COLEC10: variants seen among roughly 807,000 people sequenced by gnomAD.
The protein encoded by COLEC10 is collectin subfamily member 10, also known as collectin-10.
In COLEC10, 22 loss-of-function variants were observed where a neutral mutation model predicts 28.4. That is an observed-to-expected ratio of 0.78 (90% confidence interval 0.55 to 1.11). The LOEUF (loss-of-function observed/expected upper bound fraction) is 1.11, where lower values mean the gene tolerates loss of function less well. COLEC10 is among the 50% of genes least tolerant of loss of function. The probability of loss-of-function intolerance (pLI) is 0.00; values close to 1 mark genes in which losing one functional copy is unlikely to be tolerated. For missense variants in COLEC10, 361 were observed against 344.1 expected (o/e 1.05, Z -0.39); for synonymous variants, 125 against 116.1 (o/e 1.08, Z -0.49).
At chr8:119,026,937 G>T (rs528170203) in intron 2 of COLEC10, among the ~76,000 whole-genome samples, 2 of 152,306 alleles carry the variant, frequency 1.3e-5, no homozygotes, top group Admixed American at 6.5e-5. Context: ...TAATGAGGCT[G>T]ATTGCTGGGG....
chr8:119,075,516 G>C (rs1319398775), intron 1 of COLEC10, among the ~76,000 whole-genome samples: 1 of 152,118 alleles, frequency 6.6e-6, no homozygotes, highest in Non-Finnish European at 1.5e-5. Flanking sequence ...TATTGTTCTT[G>C]ATTCAACAGT....
intron 2 of COLEC10, among the ~76,000 whole-genome samples, chr8:119,036,066 A>C (rs1872422): frequency 0.6 from 91,115 of 151,866 alleles, 28,010 homozygotes; most frequent in African/African-American, 0.74. Flanking sequence ...TTTATATTTA[A>C]TAAAATTAAT....
chr8:119,045,140 A>G (rs866551133), intron 2 of COLEC10, among the ~76,000 whole-genome samples: 6 of 152,288 alleles, frequency 3.9e-5, no homozygotes, highest in African/African-American at 1.4e-4. Flanking sequence ...TTCAGAAGGG[A>G]TGAGAAATAA....
intron 1 of COLEC10, among the ~76,000 whole-genome samples, chr8:119,008,645 G>A (rs986878293): frequency 1.3e-5 from 2 of 150,384 alleles, no homozygotes; most frequent in Admixed American, 1.3e-4. Context: ...GGTCCCTCAT[G>A]GAATACATTA....
intron 2 of COLEC10, among the ~76,000 whole-genome samples, chr8:119,058,163 TTGAC>T (rs1814794961): frequency 6.6e-6 from 1 of 152,060 alleles, no homozygotes; most frequent in Non-Finnish European, 1.5e-5. Flanking sequence ...ATTTGTCTAC[TTGAC>T]TATTTCCAGT....
chr8:119,040,141 A>G (rs1814467564), intron 2 of COLEC10, among the ~76,000 whole-genome samples: 1 of 152,202 alleles, frequency 6.6e-6, no homozygotes, highest in Non-Finnish European at 1.5e-5. Context: ...AGATAATATT[A>G]AATTATTAAA....
intron 2 of COLEC10, among the ~76,000 whole-genome samples, chr8:119,054,156 G>A (rs1234713286): frequency 6.6e-6 from 1 of 152,056 alleles, no homozygotes; most frequent in Non-Finnish European, 1.5e-5. Context: ...GGACAAAGGA[G>A]GGATTCATGT....
At chr8:119,012,083 G>A (rs1444609516) in intron 2 of COLEC10, among the ~76,000 whole-genome samples, 5 of 150,780 alleles carry the variant, frequency 3.3e-5, no homozygotes, top group East Asian at 1.9e-4. Flanking sequence ...CAGTAAGTAC[G>A]AAGTTAGCAG....
intron 3 of COLEC10, among the ~76,000 whole-genome samples, chr8:119,097,647 A>G (rs970481537): frequency 6.6e-6 from 1 of 152,164 alleles, no homozygotes; most frequent in East Asian, 1.9e-4. Flanking sequence ...GATAAAATGC[A>G]TCATGGATCT....
At chr8:119,008,345 G>A (rs538831280) in intron 1 of COLEC10, among the ~76,000 whole-genome samples, 1 of 151,020 alleles carries the variant, frequency 6.6e-6, no homozygotes, top group South Asian at 2.1e-4. Flanking sequence ...TAGATTCCCA[G>A]TTTCCATAAT....
At chr8:118,990,834 G>A (rs1429905329), upstream of COLEC10, among the ~76,000 whole-genome samples, 4 of 151,912 alleles carry the variant, frequency 2.6e-5, no homozygotes, top group East Asian at 1.9e-4. Flanking sequence ...AGCAAACTGA[G>A]AGTCCCAGAG....
At chr8:118,970,803 T>C in the COLEC10 span, among the ~76,000 whole-genome samples, 1 of 151,982 alleles carries the variant, frequency 6.6e-6, no homozygotes, top group Non-Finnish European at 1.5e-5. Flanking sequence ...ATTTTATAGA[T>C]AAGGAACATG....
At chr8:119,043,619 A>G (rs1439949767) in intron 2 of COLEC10, among the ~76,000 whole-genome samples, 2 of 152,244 alleles carry the variant, frequency 1.3e-5, no homozygotes, top group South Asian at 2.1e-4. Context: ...TAAAGTTAAC[A>G]TCACCAACAG....
At chr8:119,040,732 C>T (rs1422922631) in intron 2 of COLEC10, among the ~76,000 whole-genome samples, 3 of 152,140 alleles carry the variant, frequency 2.0e-5, no homozygotes, top group Non-Finnish European at 2.9e-5. Flanking sequence ...AATAAAGGAA[C>T]CAACAAGAGA....
At position 119,000,739 on chromosome 8, in the gene COLEC10, C is replaced by T. The variant is rs16891841; in HGVS notation, n.122+5166C>T. 8.6e-3 allele frequency among the ~76,000 whole-genome samples: 1,304 copies of T among 152,010 alleles called. 17 individuals carry two copies. The highest frequency in any genetic ancestry group is 0.028 in the African/African-American group (1,181 of 41,472). On this transcript the variant is annotated intron_variant and non_coding_transcript_variant, in intron 1 of 6. Transcript: ENST00000521788. The stretch of plus-strand genomic sequence containing the variant: ...AATAATGTGATATTTTAAAAATGGG[C>T]CAGTTATTAGGGAGAACAAGTTTCA...
intron 2 of COLEC10, among the ~76,000 whole-genome samples, chr8:119,047,371 A>G (rs1322890157): frequency 1.3e-5 from 2 of 152,196 alleles, no homozygotes; most frequent in African/African-American, 2.4e-5. Flanking sequence ...AAGTGTGGCC[A>G]TGGCCAGCTG....
chr8:119,102,759 C>T, intron 4 of COLEC10: 1 of 203,868 alleles, frequency 4.9e-6, no homozygotes, highest in East Asian at 1.3e-4. Context: ...TACTGGCCAT[C>T]AGAGTGCAGC....
chr8:119,040,659 C>A (rs1438915535), intron 2 of COLEC10, among the ~76,000 whole-genome samples: 4 of 152,118 alleles, frequency 2.6e-5, no homozygotes, highest in African/African-American at 9.7e-5. Context: ...GGAAGACATA[C>A]AATCAAGGCT....
chr8:118,990,708 C>T (rs549384968), upstream of COLEC10, among the ~76,000 whole-genome samples: 1 of 151,972 alleles, frequency 6.6e-6, no homozygotes, highest in East Asian at 1.9e-4. Flanking sequence ...ACTCCTGTAC[C>T]ACAAGTGCCA....
Sources: gnomAD v4.1 joint callset for allele counts (sites outside exome capture counted in the v4.1 genomes callset) on GRCh38, gnomAD v4.1.1 for gene constraint, MANE v1.5 for transcripts, NCBI Gene and HGNC (gene_info 2026-07-23, HGNC 2026-07-21) for gene names.